JAZF1: variants seen among roughly 807,000 people sequenced by gnomAD.
JAZF1 encodes JAZF zinc finger 1.
A neutral mutation model predicts 26.4 loss-of-function variants in JAZF1; 8 were observed. The observed-to-expected ratio is 0.30, with a 90% CI of 0.18 to 0.55. JAZF1 has a LOEUF of 0.55. Ranked by LOEUF, JAZF1 falls within the 20% of genes least tolerant of loss-of-function variation. The pLI is 0.94. For missense variants in JAZF1, 199 were observed against 322.0 expected, an observed-to-expected ratio of 0.62 and a Z score of 2.92; for synonymous variants, 126 against 122.3, an observed-to-expected ratio of 1.03 and a Z score of -0.20.
intron 1 of JAZF1, among the ~76,000 whole-genome samples, chr7:28,159,945 G>A (rs1349604247): frequency 3.3e-5 from 5 of 152,106 alleles, no homozygotes; most frequent in African/African-American, 1.2e-4. Flanking sequence ...TTAAAAAGTT[G>A]TTTTAGGTTA....
At chr7:28,128,576 A>C (rs1269229426) in intron 1 of JAZF1, among the ~76,000 whole-genome samples, 1 of 152,136 alleles carries the variant, frequency 6.6e-6, no homozygotes, top group Non-Finnish European at 1.5e-5. Flanking sequence ...ATGAATTAGA[A>C]ATCTGGCAGT....
At chr7:28,114,409 ATCT>A (rs1784708372) in intron 1 of JAZF1, among the ~76,000 whole-genome samples, 1 of 151,644 alleles carries the variant, frequency 6.6e-6, no homozygotes, top group African/African-American at 2.4e-5. Flanking sequence ...GCAGTTTGTA[ATCT>A]TCTGCTTGCA....
intron 1 of JAZF1, among the ~76,000 whole-genome samples, chr7:28,102,740 T>C (rs112050440): frequency 9.6e-4 from 146 of 152,350 alleles, no homozygotes; most frequent in Non-Finnish European, 1.7e-3. Flanking sequence ...AATTTTTCTA[T>C]AGTGAGCATA....
At chr7:27,974,357 A>C (rs1785431008) in intron 2 of JAZF1, among the ~76,000 whole-genome samples, 1 of 152,222 alleles carries the variant, frequency 6.6e-6, no homozygotes, top group African/African-American at 2.4e-5. Flanking sequence ...AAGTAGAAGA[A>C]GAACCAGGAC....
At chr7:27,910,353 G>A (rs1784341651) in intron 2 of JAZF1, among the ~76,000 whole-genome samples, 1 of 152,082 alleles carries the variant, frequency 6.6e-6, no homozygotes, top group Non-Finnish European at 1.5e-5. Context: ...TGGGTTATCT[G>A]GAAAAAAATT....
At chr7:27,852,973 G>C (rs1385034122) in intron 3 of JAZF1, among the ~76,000 whole-genome samples, 1 of 152,138 alleles carries the variant, frequency 6.6e-6, no homozygotes, top group Non-Finnish European at 1.5e-5. Flanking sequence ...TTTAATCAAA[G>C]TTATAATTGC....
chr7:28,058,658 C>A (rs983782850), intron 1 of JAZF1, among the ~76,000 whole-genome samples: 1 of 152,168 alleles, frequency 6.6e-6, no homozygotes, highest in Non-Finnish European at 1.5e-5. Context: ...TAAGTTTTAA[C>A]ATAGATTCTA....
chr7:28,133,524 T>TA (rs1170902138), intron 1 of JAZF1, among the ~76,000 whole-genome samples: 2 of 152,192 alleles, frequency 1.3e-5, no homozygotes, highest in African/African-American at 4.8e-5. Flanking sequence ...CTTCTTTCCC[T>TA]AGCAGCAACT....
chr7:27,867,705 G>A (rs1306621956), intron 3 of JAZF1, among the ~76,000 whole-genome samples: 2 of 152,256 alleles, frequency 1.3e-5, no homozygotes, highest in Admixed American at 6.5e-5. Flanking sequence ...CAAAGAGATC[G>A]TTTTAAGAAT....
intron 1 of JAZF1, among the ~76,000 whole-genome samples, chr7:28,138,829 G>A (rs1782922953): frequency 6.6e-6 from 1 of 152,192 alleles, no homozygotes; most frequent in Non-Finnish European, 1.5e-5. Context: ...TTGTGAGTAT[G>A]GATTTGCCCT....
At chr7:28,039,983 C>T (rs1271862741) in intron 1 of JAZF1, among the ~76,000 whole-genome samples, 1 of 152,114 alleles carries the variant, frequency 6.6e-6, no homozygotes, top group Admixed American at 6.5e-5. Flanking sequence ...TTATTCTAAG[C>T]CCTGTGGAAA....
chr7:27,950,045 T>C (rs1054403663), intron 2 of JAZF1, among the ~76,000 whole-genome samples: 7 of 152,342 alleles, frequency 4.6e-5, no homozygotes, highest in African/African-American at 1.7e-4. Flanking sequence ...TTTGATACAA[T>C]CTCATTCCAC....
At chr7:27,850,696 C>A (rs1458849689) in intron 3 of JAZF1, among the ~76,000 whole-genome samples, 1 of 152,208 alleles carries the variant, frequency 6.6e-6, no homozygotes, top group African/African-American at 2.4e-5. Context: ...CGTTATTTCA[C>A]TTGCCTGCTT....
chr7:28,132,228 G>T (rs193012677), intron 1 of JAZF1, among the ~76,000 whole-genome samples: 1 of 152,196 alleles, frequency 6.6e-6, no homozygotes, highest in Non-Finnish European at 1.5e-5. Context: ...TGGCCCAAAA[G>T]ACAGTTAGCA....
chr7:28,062,543 TGTGCCCACCGTGATACTCCAA>T (rs375918824), intron 1 of JAZF1, among the ~76,000 whole-genome samples: 8,167 of 151,672 alleles, frequency 0.054, 386 homozygotes, highest in African/African-American at 0.12. Flanking sequence ...ATGCAGGCCT[TGTGCCCACCGTGATACTCCAA>T]GTGCCCACCG....
intron 1 of JAZF1, 70 bp downstream of exon 1, chr7:28,180,393 T>A: frequency 3.1e-6 from 3 of 965,528 alleles, no homozygotes; most frequent in Non-Finnish European, 4.5e-6. Context: ...CCCCTGGCCA[T>A]TCCGGGGCTC....
At chr7:27,871,066 G>A (rs532392696) in intron 3 of JAZF1, among the ~76,000 whole-genome samples, 8 of 152,164 alleles carry the variant, frequency 5.3e-5, no homozygotes, top group East Asian at 1.9e-4. Flanking sequence ...CTCTTAAACC[G>A]TCATTGTAAC....
At chr7:27,928,672 C>T (rs762678383) in intron 2 of JAZF1, among the ~76,000 whole-genome samples, 10 of 152,162 alleles carry the variant, frequency 6.6e-5, no homozygotes. Flanking sequence ...TTATCTTCAG[C>T]AAAGTAACGC....
At chr7:27,956,954 CA>C (rs1180168147) in intron 2 of JAZF1, among the ~76,000 whole-genome samples, 2 of 152,218 alleles carry the variant, frequency 1.3e-5, no homozygotes, top group African/African-American at 4.8e-5. Flanking sequence ...CGAATAACGG[CA>C]AATCTTGCTC....
Sources: gnomAD v4.1 joint callset for allele counts (sites outside exome capture counted in the v4.1 genomes callset) on GRCh38, gnomAD v4.1.1 for gene constraint, MANE v1.5 for transcripts, NCBI Gene and HGNC (gene_info 2026-07-23, HGNC 2026-07-21) for gene names.